Variants in UGT1A4 observed in about 807,000 individuals in gnomAD.
The protein encoded by UGT1A4 is UDP-glucuronosyltransferase 1A4.
A neutral mutation model predicts 41.1 loss-of-function variants in UGT1A4; 32 were observed. That is an observed-to-expected ratio of 0.78 (90% CI 0.59 to 1.05). The LOEUF (loss-of-function observed/expected upper bound fraction) is 1.05, where lower values mean the gene tolerates loss of function less well. UGT1A4 is among the 50% of genes least tolerant of loss of function. UGT1A4 has a pLI of 0.00. For missense variants in UGT1A4, 748 were observed against 677.4 expected (o/e 1.10, Z -1.16); for synonymous variants, 283 against 265.1 (o/e 1.07, Z -0.66).
intron 1 of UGT1A4, chr2:233,721,841 T>A (rs1420005948): frequency 1.9e-6 from 1 of 515,702 alleles, no homozygotes; most frequent in East Asian, 5.5e-5. Context: ...CGACCTTGTG[T>A]CCAGCCCCAC....
Position 233,719,588 on chromosome 2 carries a change from G to C in UGT1A4, c.768G>C (p.Leu256=), listed in dbSNP as rs771890679. 1.9e-6 allele frequency: 3 copies of C among 1,614,000 alleles called. No individual in the cohort carries two copies. Among genetic ancestry groups the C allele is most frequent in the Non-Finnish European group, 2.5e-6 (3 of 1,179,902 alleles). ...VDLVSYASVW[L]FRGDFVMDYP... The stretch of plus-strand genomic sequence containing the variant: ...TTGTCAGCTATGCATCCGTGTGGCT[G>C]TTCCGAGGGGACTTTGTGATGGACT... The change falls in exon 1 of 5, where the codon CTG becomes CTC. Residue 256 remains leucine, a synonymous_variant. Transcript: ENST00000373409.
chr2:233,726,853 CAT>C (rs1443656538), intron 1 of UGT1A4, among the ~76,000 whole-genome samples: 1 of 152,180 alleles, frequency 6.6e-6, no homozygotes, highest in Non-Finnish European at 1.5e-5. Context: ...TCCTTTTCTC[CAT>C]AGTCTTCTAT....
At chr2:233,739,460 T>C (rs1385095028) in intron 1 of UGT1A4, among the ~76,000 whole-genome samples, 1 of 152,240 alleles carries the variant, frequency 6.6e-6, no homozygotes, top group African/African-American at 2.4e-5. Context: ...GGGTTGGAGC[T>C]GCCTGAGACC....
intron 1 of UGT1A4, chr2:233,754,496 G>T: frequency 2.8e-6 from 1 of 356,968 alleles, no homozygotes; most frequent in South Asian, 2.1e-5. Flanking sequence ...CCTAAAAAAA[G>T]TCCGCTATTC....
intron 1 of UGT1A4, among the ~76,000 whole-genome samples, chr2:233,733,343 A>G (rs1239726536): frequency 4.6e-5 from 7 of 152,182 alleles, no homozygotes. Flanking sequence ...TTCCAACAGT[A>G]TGTTGAGTAG....
At chr2:233,738,189 CCTCT>C (rs563579368) in intron 1 of UGT1A4, among the ~76,000 whole-genome samples, 82 of 152,188 alleles carry the variant, frequency 5.4e-4, no homozygotes, top group Non-Finnish European at 1.0e-3. Context: ...CGTGTCTTTG[CCTCT>C]CTCTCACTTT....
rs2126030402 is a variant in UGT1A4 at position 233,767,100 on chromosome 2, G to A, written c.934G>A (p.Val312Ile). 1 of 1,614,092 alleles carries A rather than the reference G, an allele frequency of 6.2e-7. No homozygotes were observed. The highest frequency in any genetic ancestry group is 8.5e-7 in the Non-Finnish European group (1 of 1,180,010). Residue 312 changes from valine to isoleucine, a missense_variant, in exon 2 of 5, where the codon GTC (valine) becomes ATC (isoleucine). Val to Ile is a conservative substitution (Grantham distance 29). Coordinates refer to ENST00000373409, the MANE Select transcript of UGT1A4 (RefSeq NM_007120.3). ...TGTGGTTTTCTCTTTGGGATCAATGGTCTCAGAAATTCCAGAGAAGAAAGC... is the reference window on the plus strand; with the variant it reads ...TGTGGTTTTCTCTTTGGGATCAATGATCTCAGAAATTCCAGAGAAGAAAGC... The part of the protein sequence containing the change: ...GIVVFSLGSM[V>I]SEIPEKKAMA...
chr2:233,741,588 A>G (rs1403330194), intron 1 of UGT1A4: 1 of 151,778 alleles, frequency 6.6e-6, no homozygotes, highest in Non-Finnish European at 1.5e-5. Context: ...GGCACCTCGG[A>G]GCATGTTGAT....
chr2:233,724,376 G>T (rs1373227000), intron 1 of UGT1A4, among the ~76,000 whole-genome samples: 1 of 128,002 alleles, frequency 7.8e-6, no homozygotes, highest in African/African-American at 3.0e-5. Context: ...GGTGGCTGCC[G>T]GGCGGAGACG....
rs61729911 is a variant in UGT1A4 at position 233,743,597 on chromosome 2, T to C, written c.868-23437T>C. 389 of 1,367,326 alleles carry C rather than the reference T, an allele frequency of 2.8e-4. 8 individuals carry two copies. The African/African-American group carries it at 4.3e-3, about 15-fold the overall frequency. 84.7% of individuals were successfully genotyped at this position (1,367,326 alleles called of 1,614,324 possible). A position where few individuals can be genotyped will look rare whatever the true frequency, so the allele number is the denominator to read the frequency against. On this transcript the variant is annotated intron_variant, in intron 1 of 4. Transcript: ENST00000373409. Reference sequence around the variant, plus strand: ...CAAGAGGTCAAAGGAGAATGGGTCCTGGCCGCCGAAGAACTCCCTGAAGAC... The same window carrying C: ...CAAGAGGTCAAAGGAGAATGGGTCCCGGCCGCCGAAGAACTCCCTGAAGAC...
At chr2:233,748,739 G>A (rs572551381) in intron 1 of UGT1A4, among the ~76,000 whole-genome samples, 1 of 151,736 alleles carries the variant, frequency 6.6e-6, no homozygotes, top group Admixed American at 6.5e-5. Flanking sequence ...ACATCTCAGA[G>A]TTCGGAAGGC....
chr2:233,762,543 G>A (rs1248994186), intron 1 of UGT1A4, among the ~76,000 whole-genome samples: 10 of 152,184 alleles, frequency 6.6e-5, no homozygotes, highest in Admixed American at 6.5e-4. Flanking sequence ...GTACCACAGT[G>A]TATTCTGCTG....
intron 1 of UGT1A4, among the ~76,000 whole-genome samples, chr2:233,720,689 A>G (rs964540844): frequency 1.3e-5 from 2 of 151,520 alleles, no homozygotes; most frequent in Non-Finnish European, 2.9e-5. Flanking sequence ...TTCTAAATCC[A>G]TTAAGGGAGC....
intron 1 of UGT1A4, among the ~76,000 whole-genome samples, chr2:233,737,003 G>A (rs560792837): frequency 9.8e-5 from 15 of 152,324 alleles, no homozygotes; most frequent in Middle Eastern, 3.4e-3. Context: ...TCAGGGACCC[G>A]CTTGAGGAGG....
chr2:233,724,704 C>G (rs867669613), intron 1 of UGT1A4, among the ~76,000 whole-genome samples: 3 of 144,994 alleles, frequency 2.1e-5, no homozygotes, highest in Non-Finnish European at 3.0e-5. Flanking sequence ...AGACGCTCCT[C>G]GCTTTCCAGA....
At chr2:233,754,354 C>G in intron 1 of UGT1A4, 1 of 263,180 alleles carries the variant, frequency 3.8e-6, no homozygotes, top group Admixed American at 5.0e-5. Flanking sequence ...AAATTGCATA[C>G]AGATATTTAC....
At chr2:233,722,148 A>T (rs2076994067) in intron 1 of UGT1A4, 1 of 162,512 alleles carries the variant, frequency 6.2e-6, no homozygotes, top group Non-Finnish European at 1.3e-5. Flanking sequence ...CTCCTGCAGG[A>T]CAAGATGTGT....
intron 1 of UGT1A4, among the ~76,000 whole-genome samples, chr2:233,766,527 C>A (rs182363342): frequency 6.6e-6 from 1 of 152,236 alleles, no homozygotes; most frequent in Non-Finnish European, 1.5e-5. Context: ...AACATTTAGG[C>A]AGGAAAACAA....
At chr2:233,730,669 A>T (rs1310479965) in intron 1 of UGT1A4, among the ~76,000 whole-genome samples, 1 of 152,122 alleles carries the variant, frequency 6.6e-6, no homozygotes, top group African/African-American at 2.4e-5. Flanking sequence ...CGGAAGGCAA[A>T]GTAATGGTTG....
Sources: gnomAD v4.1 joint callset for allele counts (sites outside exome capture counted in the v4.1 genomes callset) on GRCh38, gnomAD v4.1.1 for gene constraint, MANE v1.5 for transcripts, NCBI Gene and HGNC (gene_info 2026-07-23, HGNC 2026-07-21) for gene names.